Variants in HIF3A observed in about 807,000 individuals in gnomAD.
HIF3A encodes the protein hypoxia-inducible factor 3-alpha.
In HIF3A, 41 loss-of-function variants were observed where a neutral mutation model predicts 67.2. The observed-to-expected ratio is 0.61, with a 90% CI of 0.48 to 0.79. HIF3A has a LOEUF of 0.79. Ranked by LOEUF, HIF3A falls within the 30% of genes least tolerant of loss-of-function variation. The probability of loss-of-function intolerance (pLI) is 0.00; values close to 1 mark genes in which losing one functional copy is unlikely to be tolerated. For missense variants in HIF3A, 855 were observed against 898.0 expected (o/e 0.95, Z 0.61); for synonymous variants, 356 against 374.8 (o/e 0.95, Z 0.58).
chr19:46,338,900 T>C (rs1336761748), intron 14 of HIF3A, among the ~76,000 whole-genome samples: 1 of 152,114 alleles, frequency 6.6e-6, no homozygotes, highest in African/African-American at 2.4e-5. Flanking sequence ...CAGACAGGCT[T>C]GCCTCACCAC....
chr19:46,331,947 A>T (rs1298270809), intron 13 of HIF3A, among the ~76,000 whole-genome samples: 1 of 151,632 alleles, frequency 6.6e-6, no homozygotes, highest in African/African-American at 2.4e-5. Context: ...ATCTGCAGGG[A>T]TCTTCTCTGC....
Position 46,312,083 on chromosome 19 carries a change from C to CTGA in HIF3A, c.771-76_771-75insATG, listed in dbSNP as rs767289199. ...CTTGCTGGCTTTGTTCCTGTGTCCTCTGCTGCTACTTCCCTCTGCCTACCC... is the reference window on the plus strand; with the variant it reads ...CTTGCTGGCTTTGTTCCTGTGTCCTCTGATGCTGCTACTTCCCTCTGCCTACCC... On this transcript the variant is annotated intron_variant, in intron 6 of 14. Coordinates refer to ENST00000377670, the MANE Select transcript of HIF3A (RefSeq NM_152795.4). The CTGA allele has an allele frequency of 3.9e-6, 4 of 1,021,072 alleles. No homozygotes were observed. In the African/African-American group the frequency reaches 6.3e-5, roughly 16 times the overall value. 63.3% of individuals were successfully genotyped at this position (1,021,072 alleles called of 1,614,324 possible).
In HIF3A at chr19:46,341,458, C is replaced by T. The variant is rs567233762; in HGVS notation, c.*1836C>T. The T allele has an allele frequency of 1.3e-5, 2 of 152,000 alleles. No homozygotes were observed. The highest frequency in any genetic ancestry group is 2.9e-5 in the Non-Finnish European group (2 of 68,020). The allele number at this position is 152,000 out of a possible 1,614,324, so 9.4% of individuals were successfully genotyped here. A position where few individuals can be genotyped will look rare whatever the true frequency, so the allele number is the denominator to read the frequency against. On this transcript the variant is annotated 3_prime_UTR_variant, in exon 15 of 15. Transcript: ENST00000377670. ...CAACTGATCCACCCGCCTCAGCCTC[C>T]CAAAGTGCTGAAATTACAGGAGTGA...
At chr19:46,312,789 C>A in intron 8 of HIF3A, 136 bp downstream of exon 8, 1 of 1,409,014 alleles carries the variant, frequency 7.1e-7, no homozygotes, top group South Asian at 1.6e-5. Flanking sequence ...GGAGTGTGCA[C>A]GTGTACACAT....
intron 13 of HIF3A, 103 bp from the exon 14 acceptor site, chr19:46,334,802 G>A: frequency 1.1e-6 from 1 of 875,180 alleles, no homozygotes; most frequent in Non-Finnish European, 1.8e-6. Flanking sequence ...CCAATCCTCT[G>A]GCCTCAGCCC....
At chr19:46,336,735 C>T (rs1971653906) in intron 14 of HIF3A, among the ~76,000 whole-genome samples, 1 of 152,068 alleles carries the variant, frequency 6.6e-6, no homozygotes, top group Non-Finnish European at 1.5e-5. Context: ...GCCTGGAATC[C>T]TAGCACTTTG....
chr19:46,309,360 G>A lies in HIF3A; in HGVS notation c.770+1G>A. ...TGAAGTTCACCTACTGTGACGACAG[G>A]TGGGCAGGGGCCCCCTCTTCCGTCT... On this transcript the variant is annotated splice_donor_variant, in intron 6 of 14. Coordinates refer to ENST00000377670, the MANE Select transcript of HIF3A (RefSeq NM_152795.4). LOFTEE classifies it high-confidence loss of function. 6.3e-7 allele frequency: 1 copy of A among 1,596,854 alleles called. No individual in the cohort carries two copies. Among genetic ancestry groups the A allele is most frequent in the Admixed American group, 1.7e-5 (1 of 57,984 alleles).
In HIF3A at chr19:46,339,949, CAG is replaced by C. The variant is rs1307086705; in HGVS notation, c.*328_*329del. ...CTCTCTTGGCTTTATTTTGGGGAATCAGGGGTGAGGAGGGTTGGGGGGGTCAT... is the reference window on the plus strand; with the variant it reads ...CTCTCTTGGCTTTATTTTGGGGAATCGGGTGAGGAGGGTTGGGGGGGTCAT... On this transcript the variant is annotated 3_prime_UTR_variant, in exon 15 of 15. Transcript: ENST00000377670. The C allele has an allele frequency of 2.6e-5, 7 of 273,556 alleles. No individual in the cohort carries two copies. Among genetic ancestry groups the C allele is most frequent in the South Asian group, 1.6e-4 (1 of 6,086 alleles). The allele number at this position is 273,556 out of a possible 1,614,324, so 16.9% of individuals were successfully genotyped here.
rs56354738 is a variant in HIF3A, at chr19:46,311,575, G to A, written c.771-586G>A. Among the ~76,000 whole-genome samples the A allele has an allele frequency of 5.5e-3, 832 of 152,234 alleles. 5 individuals are homozygous for A. The highest frequency in any genetic ancestry group is 0.015 in the African/African-American group (609 of 41,530). On this transcript the variant is annotated intron_variant, in intron 6 of 14. Coordinates refer to ENST00000377670, the MANE Select transcript of HIF3A (RefSeq NM_152795.4). ...TCCATCTCCCTATCTCAAGACTAAC[G>A]TTAGGCAGGCCGGGCGAGGTGGCTA...
chr19:46,332,836 T>C (rs1971333051), intron 13 of HIF3A, among the ~76,000 whole-genome samples: 3 of 151,990 alleles, frequency 2.0e-5, no homozygotes, highest in African/African-American at 4.8e-5. Context: ...ATACAAACGT[T>C]AGCCGGGTGT....
chr19:46,327,161 A>T lies in HIF3A; in HGVS notation c.1440+1522A>T, dbSNP rs185611531. On this transcript the variant is annotated intron_variant, in intron 11 of 14. Transcript: ENST00000377670. ...AGAGCTAGACTTTTGTCCCAAAAAA[A>T]ATATATATATATATAAAAATAGAGA... 3.7e-3 allele frequency among the ~76,000 whole-genome samples: 565 copies of T among 150,858 alleles called. 1 individual carries two copies. Among genetic ancestry groups the T allele is most frequent in the African/African-American group, 4.4e-3 (180 of 41,190 alleles).
intron 10 of HIF3A, among the ~76,000 whole-genome samples, chr19:46,325,058 A>G (rs1422034249): frequency 2.0e-5 from 3 of 148,584 alleles, no homozygotes; most frequent in African/African-American, 5.0e-5. Context: ...GTGCGGTGGC[A>G]TGATCATAGC....
chr19:46,331,822 T>C (rs1319773934), intron 13 of HIF3A, among the ~76,000 whole-genome samples: 1 of 132,394 alleles, frequency 7.6e-6, no homozygotes. Context: ...GCCACTGCAG[T>C]CCAGTCTAGG....
intron 7 of HIF3A, 99 bp downstream of exon 7, chr19:46,312,366 C>T (rs764357342): frequency 6.2e-7 from 1 of 1,609,680 alleles, no homozygotes; most frequent in South Asian, 1.1e-5. Context: ...TGCACTGCCT[C>T]CCCACCTCAA....
intron 8 of HIF3A, among the ~76,000 whole-genome samples, chr19:46,314,650 C>T (rs969004136): frequency 6.8e-6 from 1 of 146,634 alleles, no homozygotes; most frequent in East Asian, 2.3e-4. Context: ...TTCCGCCTCC[C>T]GGGTTCAAGC....
At chr19:46,325,070 C>T (rs988033095) in intron 10 of HIF3A, among the ~76,000 whole-genome samples, 4 of 150,200 alleles carry the variant, frequency 2.7e-5, no homozygotes, top group African/African-American at 4.9e-5. Flanking sequence ...GATCATAGCT[C>T]ACTGCAGCCT....
At chr19:46,299,709 C>CAAA (rs56080471) in intron 1 of HIF3A, among the ~76,000 whole-genome samples, 1,397 of 111,172 alleles carry the variant, frequency 0.013, 21 homozygotes, top group East Asian at 0.024. Flanking sequence ...GACCTTGTCG[C>CAAA]AAAAAAAAAA....
intron 10 of HIF3A, among the ~76,000 whole-genome samples, chr19:46,324,316 C>T (rs779258000): frequency 1.3e-5 from 2 of 152,316 alleles, no homozygotes; most frequent in Middle Eastern, 3.4e-3. Flanking sequence ...CTCAACAGAT[C>T]ATACCAGTTA....
intron 10 of HIF3A, among the ~76,000 whole-genome samples, chr19:46,322,408 T>A (rs1365368459): frequency 1.3e-5 from 2 of 152,028 alleles, no homozygotes; most frequent in African/African-American, 4.8e-5. Flanking sequence ...CAGACACCAG[T>A]CACAAGTCTG....
Sources: gnomAD v4.1 joint callset for allele counts (sites outside exome capture counted in the v4.1 genomes callset) on GRCh38, gnomAD v4.1.1 for gene constraint, MANE v1.5 for transcripts, NCBI Gene and HGNC (gene_info 2026-07-23, HGNC 2026-07-21) for gene names.